The following GALNT13 variants were observed in gnomAD, a reference collection of about 807,000 sequenced individuals.
The protein encoded by GALNT13 is UDP-GalNAc:polypeptide N-acetylgalactosaminyltransferase 13.
Under a neutral mutation model 64.2 loss-of-function variants are expected in GALNT13, and 28 were observed. That is an observed-to-expected ratio of 0.44 (90% CI 0.32 to 0.60). The LOEUF (loss-of-function observed/expected upper bound fraction) is 0.60. Among genes scored for constraint, GALNT13 ranks in the 20% least tolerant of loss-of-function variants. The pLI is 0.05. For missense variants in GALNT13, 577 were observed against 669.8 expected, an observed-to-expected ratio of 0.86 and a Z score of 1.53; for synonymous variants, 214 against 224.6, an observed-to-expected ratio of 0.95 and a Z score of 0.42.
chr2:153,634,957 C>T, the GALNT13 span, among the ~76,000 whole-genome samples: 1 of 151,916 alleles, frequency 6.6e-6, no homozygotes, highest in Non-Finnish European at 1.5e-5. Context: ...AGGCAGGCAT[C>T]TTGATCTCTA....
At chr2:153,994,378 C>T (rs996906210) in intron 3 of GALNT13, among the ~76,000 whole-genome samples, 6 of 152,180 alleles carry the variant, frequency 3.9e-5, no homozygotes, top group Non-Finnish European at 5.9e-5. Context: ...AATAAACATA[C>T]GTGTGCACAT....
At chr2:153,149,530 G>A in the GALNT13 span, among the ~76,000 whole-genome samples, 2 of 151,778 alleles carry the variant, frequency 1.3e-5, no homozygotes, top group African/African-American at 4.8e-5. Context: ...TGTTGGGACT[G>A]CAGATTTTGC....
intron 3 of GALNT13, among the ~76,000 whole-genome samples, chr2:154,024,374 T>C (rs1574357767): frequency 6.6e-6 from 1 of 152,210 alleles, no homozygotes; most frequent in East Asian, 1.9e-4. Context: ...GTCCCATATT[T>C]CTTGGAGGCT....
intron 3 of GALNT13, among the ~76,000 whole-genome samples, chr2:154,108,019 T>A (rs949426922): frequency 1.3e-5 from 2 of 152,180 alleles, no homozygotes; most frequent in Non-Finnish European, 2.9e-5. Context: ...TACACTTGGG[T>A]TGATTCCATG....
the GALNT13 span, among the ~76,000 whole-genome samples, chr2:153,388,107 A>G: frequency 6.6e-6 from 1 of 151,840 alleles, no homozygotes; most frequent in Non-Finnish European, 1.5e-5. Flanking sequence ...AGGGAAAGGG[A>G]AAATATAGAC....
At chr2:153,125,629 C>CT in the GALNT13 span, among the ~76,000 whole-genome samples, 3 of 152,064 alleles carry the variant, frequency 2.0e-5, no homozygotes, top group Non-Finnish European at 2.9e-5. Context: ...TTTAAAGGAG[C>CT]TTTTATATTT....
At chr2:153,891,936 A>C (rs937460981) in intron 1 of GALNT13, among the ~76,000 whole-genome samples, 1 of 151,972 alleles carries the variant, frequency 6.6e-6, no homozygotes, top group Non-Finnish European at 1.5e-5. Flanking sequence ...GAAGTCCATG[A>C]TTGTTTCTTT....
chr2:154,403,515 A>G (rs114447953), intron 10 of GALNT13, among the ~76,000 whole-genome samples: 2 of 151,928 alleles, frequency 1.3e-5, no homozygotes, highest in African/African-American at 4.8e-5. Flanking sequence ...CCCAGGTGAT[A>G]TGTCCCTCTT....
At chr2:153,864,454 GCTCT>G in the GALNT13 span, among the ~76,000 whole-genome samples, 1 of 151,980 alleles carries the variant, frequency 6.6e-6, no homozygotes, top group African/African-American at 2.4e-5. Context: ...TCATGATTTG[GCTCT>G]CTGTTTGTGT....
intron 8 of GALNT13, among the ~76,000 whole-genome samples, chr2:154,276,117 A>G (rs139889232): frequency 0.036 from 5,436 of 152,300 alleles, 151 homozygotes; most frequent in Non-Finnish European, 0.055. Flanking sequence ...TTACAGGCTC[A>G]TAGGCAGAAA....
chr2:153,312,430 A>G, the GALNT13 span, among the ~76,000 whole-genome samples: 1 of 152,222 alleles, frequency 6.6e-6, no homozygotes, highest in Non-Finnish European at 1.5e-5. Context: ...AGTGAAAGAA[A>G]AGCCAAATCC....
chr2:153,472,783 A>T, the GALNT13 span, among the ~76,000 whole-genome samples: 1 of 152,216 alleles, frequency 6.6e-6, no homozygotes, highest in Non-Finnish European at 1.5e-5. Context: ...TAAACAAATG[A>T]AAATAAGCTT....
intron 4 of GALNT13, among the ~76,000 whole-genome samples, chr2:154,228,211 G>A (rs1009912446): frequency 4.0e-5 from 6 of 151,460 alleles, no homozygotes; most frequent in Non-Finnish European, 8.8e-5. Flanking sequence ...CAGCCTCAAA[G>A]AGCGTGTTTA....
the GALNT13 span, among the ~76,000 whole-genome samples, chr2:153,711,546 C>T: frequency 1.3e-5 from 2 of 152,114 alleles, no homozygotes; most frequent in African/African-American, 4.8e-5. Flanking sequence ...GGAATCTTGG[C>T]AGTCACCTGG....
At chr2:153,343,863 A>C in the GALNT13 span, among the ~76,000 whole-genome samples, 2 of 152,156 alleles carry the variant, frequency 1.3e-5, no homozygotes, top group East Asian at 3.8e-4. Context: ...CTAACACTAA[A>C]CACCCTGCAT....
the GALNT13 span, among the ~76,000 whole-genome samples, chr2:153,251,337 G>T: frequency 1.8e-4 from 27 of 152,146 alleles, no homozygotes; most frequent in African/African-American, 6.3e-4. Context: ...CTTGTCAATT[G>T]TGTCTTTATC....
rs781647098 is a variant in GALNT13, at chr2:154,042,206, C to T, written c.142+97567C>T. On this transcript the variant is annotated intron_variant, in intron 3 of 12. Coordinates refer to ENST00000392825, the MANE Select transcript of GALNT13 (RefSeq NM_052917.4). ...GAGGACCCCTGAATATCCATTTTCA[C>T]TTAACTTATCTGAGTCTGTTACCTT... Among the ~76,000 whole-genome samples the T allele has an allele frequency of 4.3e-5, 6 of 139,776 alleles. 2 individuals carry two copies. Among genetic ancestry groups the T allele is most frequent in the Non-Finnish European group, 9.9e-5 (6 of 60,880 alleles). 91.7% of individuals were successfully genotyped at this position (139,776 alleles called of 152,430 possible). A position where few individuals can be genotyped will look rare whatever the true frequency, so the allele number is the denominator to read the frequency against.
intron 1 of GALNT13, among the ~76,000 whole-genome samples, chr2:153,892,549 TAAA>T (rs1180374586): frequency 6.6e-6 from 1 of 151,998 alleles, no homozygotes; most frequent in Non-Finnish European, 1.5e-5. Context: ...TGTCTTCACT[TAAA>T]AAACAAAAAG....
chr2:153,170,676 G>A, the GALNT13 span, among the ~76,000 whole-genome samples: 1 of 152,138 alleles, frequency 6.6e-6, no homozygotes, highest in Non-Finnish European at 1.5e-5. Context: ...CCAAATACAT[G>A]TTGGTCATTA....
Sources: gnomAD v4.1 joint callset for allele counts (sites outside exome capture counted in the v4.1 genomes callset) on GRCh38, gnomAD v4.1.1 for gene constraint, MANE v1.5 for transcripts, NCBI Gene and HGNC (gene_info 2026-07-23, HGNC 2026-07-21) for gene names.